KCNAB1: variants seen among roughly 807,000 people sequenced by gnomAD.
The protein encoded by KCNAB1 is voltage-gated potassium channel subunit beta-1.
KCNAB1 carries 35 observed loss-of-function variants against 64.6 expected under a neutral mutation model. The observed-to-expected ratio is 0.54, with a 90% CI of 0.41 to 0.72. The LOEUF is 0.72. KCNAB1 is among the 30% of genes least tolerant of loss of function. The pLI is 0.00. For missense variants in KCNAB1, 401 were observed against 512.9 expected (o/e 0.78, Z 2.11); for synonymous variants, 177 against 183.8 (o/e 0.96, Z 0.30).
chr3:156,498,566 A>G (rs1608302), intron 8 of KCNAB1, among the ~76,000 whole-genome samples: 150,898 of 152,346 alleles, frequency 0.99, 74,747 homozygotes, highest in Middle Eastern at 1. Flanking sequence ...GAACTGTTAA[A>G]TCCAGTAAAC....
intron 3 of KCNAB1, 81 bp downstream of exon 3, chr3:156,453,017 C>T: frequency 1.2e-6 from 1 of 860,826 alleles, no homozygotes; most frequent in South Asian, 1.6e-5. Context: ...TTCCTGGGAC[C>T]CTGACACTCT....
chr3:156,235,886 T>A (rs1022699066), intron 1 of KCNAB1, among the ~76,000 whole-genome samples: 1 of 152,160 alleles, frequency 6.6e-6, no homozygotes, highest in African/African-American at 2.4e-5. Flanking sequence ...AGGTGGGGGC[T>A]ATGATGTTGC....
chr3:156,346,353 A>C (rs1724480555), intron 1 of KCNAB1, among the ~76,000 whole-genome samples: 3 of 152,164 alleles, frequency 2.0e-5, no homozygotes. Flanking sequence ...CTCAGAGGAA[A>C]GAACATAATT....
At chr3:156,455,009 T>C (rs1712290535) in intron 3 of KCNAB1, among the ~76,000 whole-genome samples, 1 of 152,152 alleles carries the variant, frequency 6.6e-6, no homozygotes, top group African/African-American at 2.4e-5. Flanking sequence ...TCACCTCAGA[T>C]GCAGACCAGG....
At chr3:156,306,396 T>C (rs1352970957) in intron 1 of KCNAB1, among the ~76,000 whole-genome samples, 2 of 152,188 alleles carry the variant, frequency 1.3e-5, no homozygotes, top group Admixed American at 6.5e-5. Context: ...CGAGGTTGCA[T>C]GAAGAAAGAT....
At chr3:156,261,005 A>G (rs917419513) in intron 1 of KCNAB1, among the ~76,000 whole-genome samples, 1 of 152,086 alleles carries the variant, frequency 6.6e-6, no homozygotes, top group African/African-American at 2.4e-5. Context: ...TGAGGTTGAA[A>G]ATCTTTTCAT....
intron 8 of KCNAB1, among the ~76,000 whole-genome samples, chr3:156,502,707 T>C (rs1052063847): frequency 9.9e-5 from 15 of 152,226 alleles, no homozygotes. Context: ...GTAAGACCCA[T>C]GTTCAAACTA....
chr3:156,408,879 A>G (rs528460695), intron 1 of KCNAB1, among the ~76,000 whole-genome samples: 1 of 152,370 alleles, frequency 6.6e-6, no homozygotes, highest in South Asian at 2.1e-4. Flanking sequence ...AAGAAAAAAT[A>G]TATTATGATT....
chr3:156,312,848 A>G (rs1722021040), intron 1 of KCNAB1, among the ~76,000 whole-genome samples: 1 of 152,134 alleles, frequency 6.6e-6, no homozygotes, highest in Admixed American at 6.6e-5. Context: ...CCTCTCCCCA[A>G]GGTTTGTGGA....
intron 1 of KCNAB1, among the ~76,000 whole-genome samples, chr3:156,412,639 A>C (rs546424574): frequency 2.0e-3 from 301 of 152,386 alleles, no homozygotes; most frequent in Non-Finnish European, 3.7e-3. Flanking sequence ...ACAGGGCATG[A>C]ATAATAGTGG....
chr3:156,507,132 G>A (rs1265370568), intron 8 of KCNAB1, among the ~76,000 whole-genome samples: 1 of 152,186 alleles, frequency 6.6e-6, no homozygotes, highest in Non-Finnish European at 1.5e-5. Context: ...AAAGCTAGAT[G>A]GGGTCTATAG....
At chr3:156,434,139 G>C (rs1485950095) in intron 2 of KCNAB1, among the ~76,000 whole-genome samples, 1 of 152,172 alleles carries the variant, frequency 6.6e-6, no homozygotes, top group Non-Finnish European at 1.5e-5. Flanking sequence ...ATTATGAAAA[G>C]CACTGAAGCC....
intron 1 of KCNAB1, among the ~76,000 whole-genome samples, chr3:156,398,152 C>T (rs1376096143): frequency 3.3e-5 from 5 of 152,098 alleles, no homozygotes; most frequent in Non-Finnish European, 4.4e-5. Flanking sequence ...CCAAACACCA[C>T]ATGTTCTCAC....
At chr3:156,288,252 C>A (rs929583141) in intron 1 of KCNAB1, among the ~76,000 whole-genome samples, 2 of 152,194 alleles carry the variant, frequency 1.3e-5, no homozygotes, top group African/African-American at 4.8e-5. Flanking sequence ...ACCTCAGTTA[C>A]CTCTTTAATG....
intron 1 of KCNAB1, among the ~76,000 whole-genome samples, chr3:156,237,696 T>G (rs9864967): frequency 6.6e-6 from 1 of 151,962 alleles, no homozygotes; most frequent in Non-Finnish European, 1.5e-5. Context: ...GTGGCTGTTT[T>G]CTTAACATTT....
chr3:156,465,749 C>T (rs1713319514), intron 7 of KCNAB1, 63 bp downstream of exon 7: 14 of 1,345,874 alleles, frequency 1.0e-5, no homozygotes, highest in Middle Eastern at 1.8e-4. Flanking sequence ...AAGGTATCAA[C>T]CAAACAAATT....
chr3:156,272,415 A>C (rs977121933), intron 1 of KCNAB1, among the ~76,000 whole-genome samples: 3 of 152,096 alleles, frequency 2.0e-5, no homozygotes, highest in African/African-American at 7.2e-5. Context: ...CTAGCAACAA[A>C]AACACAAGAC....
chr3:156,363,314 A>G (rs761579337), intron 1 of KCNAB1, among the ~76,000 whole-genome samples: 3 of 152,100 alleles, frequency 2.0e-5, no homozygotes, highest in Admixed American at 6.5e-5. Context: ...TGTTTTTGCT[A>G]CTCTGACTGT....
At chr3:156,209,981 T>C (rs1214333165) in intron 1 of KCNAB1, among the ~76,000 whole-genome samples, 1 of 152,230 alleles carries the variant, frequency 6.6e-6, no homozygotes, top group Non-Finnish European at 1.5e-5. Context: ...GTTAGCTTGA[T>C]ATTAATTTAA....
Sources: gnomAD v4.1 joint callset for allele counts (sites outside exome capture counted in the v4.1 genomes callset) on GRCh38, gnomAD v4.1.1 for gene constraint, MANE v1.5 for transcripts, NCBI Gene and HGNC (gene_info 2026-07-23, HGNC 2026-07-21) for gene names.